SYTL5: variants seen among roughly 807,000 people sequenced by gnomAD.
The protein encoded by SYTL5 is synaptotagmin-like protein 5.
SYTL5 carries 34 observed loss-of-function variants against 55.9 expected under a neutral mutation model. The observed-to-expected ratio is 0.61, with a 90% confidence interval of 0.46 to 0.81. The LOEUF (loss-of-function observed/expected upper bound fraction) is 0.81. Among genes scored for constraint, SYTL5 ranks in the 30% least tolerant of loss-of-function variants. The probability of loss-of-function intolerance (pLI) is 0.00; values close to 1 mark genes in which losing one functional copy is unlikely to be tolerated. For synonymous variants in SYTL5, 221 were observed against 188.7 expected (o/e 1.17, Z -1.40); for missense variants, 637 against 546.7 (o/e 1.17, Z -1.65).
intron 3 of SYTL5, among the ~76,000 whole-genome samples, chrX:38,065,180 A>T (rs1281665120): frequency 9.0e-6 from 1 of 111,643 alleles, no homozygotes; most frequent in Non-Finnish European, 1.9e-5. Flanking sequence ...CTGATACATA[A>T]TTTTTGTCCT....
the SYTL5 span, among the ~76,000 whole-genome samples, chrX:37,970,883 C>T: frequency 8.9e-6 from 1 of 111,980 alleles, no homozygotes; most frequent in Non-Finnish European, 1.9e-5. Flanking sequence ...ACCCTTATGG[C>T]AAATCTTATA....
the SYTL5 span, among the ~76,000 whole-genome samples, chrX:37,920,857 G>A: frequency 9.0e-6 from 1 of 111,610 alleles, no homozygotes; most frequent in East Asian, 2.8e-4. Context: ...AAACCACAAT[G>A]TTTAAGGAGC....
chrX:37,967,802 A>G, the SYTL5 span, among the ~76,000 whole-genome samples: 1 of 109,242 alleles, frequency 9.2e-6, no homozygotes, highest in Non-Finnish European at 1.9e-5. Context: ...CCTGTGTTTG[A>G]GATTACTGAT....
intron 3 of SYTL5, among the ~76,000 whole-genome samples, chrX:38,058,499 T>C (rs1039946052): frequency 7.2e-5 from 8 of 110,481 alleles, no homozygotes; most frequent in Admixed American, 9.6e-5. Flanking sequence ...AGTGTGGCTT[T>C]GCTGGTGGTG....
chrX:37,976,760 C>A, the SYTL5 span, among the ~76,000 whole-genome samples: 4 of 105,684 alleles, frequency 3.8e-5, no homozygotes, highest in Non-Finnish European at 5.8e-5. Flanking sequence ...CACCGACCAG[C>A]CTTGCCAACA....
chrX:37,916,319 A>G, the SYTL5 span, among the ~76,000 whole-genome samples: 10 of 112,341 alleles, frequency 8.9e-5, no homozygotes, highest in Non-Finnish European at 1.9e-4. Context: ...CTAACCTTCC[A>G]CTAAAACACT....
the SYTL5 span, among the ~76,000 whole-genome samples, chrX:37,932,952 T>C: frequency 5.4e-5 from 6 of 111,380 alleles, no homozygotes; most frequent in Admixed American, 9.5e-5. Flanking sequence ...TTGCCCTTCT[T>C]ACAGGATGGC....
chrX:37,990,985 CAATA>C, the SYTL5 span: 2 of 1,210,304 alleles, frequency 1.7e-6, no homozygotes, highest in African/African-American at 3.5e-5. Flanking sequence ...AGTTCCTCCA[CAATA>C]AATACCCTCC....
At chrX:38,080,067 G>A (rs1265144235) in intron 6 of SYTL5, among the ~76,000 whole-genome samples, 1 of 111,191 alleles carries the variant, frequency 9.0e-6, no homozygotes. Context: ...AGGGGTGAGG[G>A]GGAGACAAAC....
chrX:38,097,960 G>T (rs1936981118), intron 9 of SYTL5, among the ~76,000 whole-genome samples: 1 of 109,510 alleles, frequency 9.1e-6, no homozygotes, highest in Admixed American at 9.7e-5. Context: ...AAATCATACT[G>T]GGACAACAGG....
At chrX:38,004,492 T>C (rs763837618), upstream of SYTL5, among the ~76,000 whole-genome samples, 1 of 111,752 alleles carries the variant, frequency 8.9e-6, no homozygotes, top group East Asian at 2.8e-4. Context: ...ACTGCAGCAC[T>C]ATTTACAATA....
At chrX:38,030,441 G>T (rs1246920758) in intron 1 of SYTL5, among the ~76,000 whole-genome samples, 2 of 111,897 alleles carry the variant, frequency 1.8e-5, no homozygotes, top group African/African-American at 6.5e-5. Flanking sequence ...GTTAGAGCTT[G>T]AATATCCGCT....
chrX:38,127,010 C>G lies in SYTL5; in HGVS notation c.*280C>G, dbSNP rs965537028. 4.2e-6 allele frequency: 1 copy of G among 235,909 alleles called. No individual in the cohort carries two copies. The highest frequency in any genetic ancestry group is 2.8e-5 in the African/African-American group (1 of 35,314). 19.4% of individuals were successfully genotyped at this position (235,909 alleles called of 1,213,427 possible). Reference sequence around the variant, plus strand: ...TGTGCAAAGGCTTATAGGGTTTATGCCATAAAAGAAATGGCACAAGCCTCC... The same window carrying G: ...TGTGCAAAGGCTTATAGGGTTTATGGCATAAAAGAAATGGCACAAGCCTCC... On this transcript the variant is annotated 3_prime_UTR_variant, in exon 17 of 17. Coordinates refer to ENST00000297875, the MANE Select transcript of SYTL5 (RefSeq NM_138780.3).
intron 16 of SYTL5, 134 bp from the exon 17 acceptor site, chrX:38,126,454 C>T (rs1937647139): frequency 1.7e-6 from 1 of 584,004 alleles, no homozygotes. Context: ...ACACCACTCA[C>T]TATATATACT....
At chrX:38,011,159 G>T (rs1197487069) in intron 1 of SYTL5, among the ~76,000 whole-genome samples, 1 of 112,006 alleles carries the variant, frequency 8.9e-6, no homozygotes, top group African/African-American at 3.2e-5. Context: ...TTGACAAGTG[G>T]TAATAAATGT....
chrX:37,993,029 G>A, the SYTL5 span, among the ~76,000 whole-genome samples: 1 of 111,070 alleles, frequency 9.0e-6, no homozygotes, highest in South Asian at 3.8e-4. Flanking sequence ...TCTCCTCTAA[G>A]AGAGTATAAA....
At chrX:37,987,984 G>A in the SYTL5 span, among the ~76,000 whole-genome samples, 8 of 111,943 alleles carry the variant, frequency 7.1e-5, no homozygotes, top group East Asian at 8.4e-4. Flanking sequence ...GTGATAGGCC[G>A]AGTAATGGTC....
the SYTL5 span, among the ~76,000 whole-genome samples, chrX:37,992,278 C>T: frequency 8.9e-6 from 1 of 112,727 alleles, no homozygotes; most frequent in Non-Finnish European, 1.9e-5. Context: ...AGTGTTGTAG[C>T]AATCTGTCCC....
rs761531348 is a variant in SYTL5, at chrX:38,094,415, C to G, written c.952C>G (p.Leu318Val). Residue 318 changes from leucine (L) to valine (V), a missense_variant, in exon 8 of 17, where the codon CTC becomes GTC. Coordinates refer to ENST00000297875, the MANE Select transcript of SYTL5 (RefSeq NM_138780.3). ...TPSIAVSGTS[L>V]SSDQSRSELD... ...TTCCATAGCAGTGTCTGGAACCTCT[C>G]TCTCCTCAGGTGGGTATTTACAATG... The G allele has an allele frequency of 5.0e-6, 6 of 1,197,648 alleles. No homozygotes were observed. The East Asian group carries it at 1.8e-4, about 36-fold the overall frequency.
Sources: gnomAD v4.1 joint callset for allele counts (sites outside exome capture counted in the v4.1 genomes callset) on GRCh38, gnomAD v4.1.1 for gene constraint, MANE v1.5 for transcripts, NCBI Gene and HGNC (gene_info 2026-07-23, HGNC 2026-07-21) for gene names.